HLCS: variants seen among roughly 807,000 people sequenced by gnomAD.
The protein encoded by HLCS is holocarboxylase synthetase, also known as biotin--protein ligase.
A neutral mutation model predicts 75.0 loss-of-function variants in HLCS; 53 were observed. That is an observed-to-expected ratio of 0.71 (90% CI 0.57 to 0.89). HLCS has a LOEUF of 0.89. Among genes scored for constraint, HLCS ranks in the 40% least tolerant of loss-of-function variants. The pLI is 0.00. For missense variants in HLCS, 966 were observed against 1,074.0 expected, an observed-to-expected ratio of 0.90 and a Z score of 1.41; for synonymous variants, 431 against 428.6, an observed-to-expected ratio of 1.01 and a Z score of -0.07.
In HLCS at chr21:36,756,243, C is replaced by A. The variant is rs572665044; in HGVS notation, c.2450+299G>T. On this transcript the variant is annotated intron_variant, in intron 10 of 10. Coordinates refer to ENST00000674895, the MANE Select transcript of HLCS (RefSeq NM_001352514.2). ...CACAAGGTCAGGAGATCGAGACCAT[C>A]CTGGCTAACACGGTGAAACCCCACC... 2.7e-5 allele frequency among the ~76,000 whole-genome samples: 4 copies of A among 149,308 alleles called. No homozygotes were observed. The East Asian group carries it at 5.8e-4, about 22-fold the overall frequency.
rs1321832623 is a variant in HLCS at position 36,949,909 on chromosome 21, T to A, written c.331-10915A>T. 5.3e-5 allele frequency among the ~76,000 whole-genome samples: 8 copies of A among 152,306 alleles called. No homozygotes were observed. In the East Asian group the frequency reaches 1.5e-3, roughly 29 times the overall value. On this transcript the variant is annotated intron_variant, in intron 2 of 10. Transcript: ENST00000674895. ...TACTTCAGCAATCTGATTAACACAA[T>A]GTGCAAAACTGCATTCCTGACAACA...
intron 2 of HLCS, chr21:36,947,709 C>T (rs1324514336): frequency 3.0e-6 from 3 of 985,298 alleles, no homozygotes; most frequent in East Asian, 1.1e-4. Context: ...ATCTTCTCTG[C>T]TCAACTTAAA....
intron 5 of HLCS, among the ~76,000 whole-genome samples, chr21:36,917,712 C>T (rs1569190176): frequency 6.6e-6 from 1 of 152,016 alleles, no homozygotes; most frequent in South Asian, 2.1e-4. Context: ...AACTTGCCTC[C>T]GGGGAGGTGA....
chr21:36,919,824 C>T (rs772315832), intron 5 of HLCS, among the ~76,000 whole-genome samples: 2 of 152,172 alleles, frequency 1.3e-5, no homozygotes, highest in Non-Finnish European at 2.9e-5. Context: ...ATGATTTTAA[C>T]TTGTTCCAAT....
intron 2 of HLCS, among the ~76,000 whole-genome samples, chr21:36,957,468 C>T (rs1011823494): frequency 2.0e-5 from 3 of 151,990 alleles, no homozygotes; most frequent in African/African-American, 7.3e-5. Context: ...CAAGAACTGC[C>T]TAATACAGTT....
intron 6 of HLCS, among the ~76,000 whole-genome samples, chr21:36,811,254 A>G (rs1437395887): frequency 1.3e-5 from 2 of 152,090 alleles, no homozygotes; most frequent in Non-Finnish European, 2.9e-5. Context: ...GCACACTTTC[A>G]CCCTTTCATG....
At chr21:36,934,644 G>A (rs1482258652) in intron 4 of HLCS, among the ~76,000 whole-genome samples, 1 of 152,106 alleles carries the variant, frequency 6.6e-6, no homozygotes, top group African/African-American at 2.4e-5. Context: ...CATCAAATCT[G>A]CAGCTTACTC....
chr21:36,989,763 G>C (rs1462917098), intron 1 of HLCS, among the ~76,000 whole-genome samples: 1 of 152,166 alleles, frequency 6.6e-6, no homozygotes, highest in African/African-American at 2.4e-5. Context: ...AGGCCCTGCG[G>C]CTCTGCCCCT....
intron 6 of HLCS, among the ~76,000 whole-genome samples, chr21:36,817,870 G>A: frequency 6.6e-6 from 1 of 152,200 alleles, no homozygotes; most frequent in East Asian, 1.9e-4. Flanking sequence ...CCTACTGTTT[G>A]ATGTATTCTG....
upstream of HLCS, chr21:36,966,771 C>T (rs1446410328): frequency 7.3e-6 from 1 of 137,594 alleles, no homozygotes; most frequent in Non-Finnish European, 1.2e-5. Context: ...GCGGGGGAGG[C>T]GGGGACCCGG....
chr21:36,966,972 G>T (rs2068635238), upstream of HLCS, among the ~76,000 whole-genome samples: 1 of 151,578 alleles, frequency 6.6e-6, no homozygotes, highest in Admixed American at 6.6e-5. Context: ...GGGCTCGAGG[G>T]AGTGGAGGCC....
At chr21:36,988,352 G>A (rs1569278770) in intron 1 of HLCS, among the ~76,000 whole-genome samples, 1 of 152,052 alleles carries the variant, frequency 6.6e-6, no homozygotes, top group African/African-American at 2.4e-5. Flanking sequence ...TCCTAGTACT[G>A]TATACCCTAG....
In HLCS at chr21:36,950,386, G is replaced by A. The variant is rs146919058; in HGVS notation, c.331-11392C>T. Among the ~76,000 whole-genome samples, 3 of 152,148 alleles carry A rather than the reference G, an allele frequency of 2.0e-5. No homozygotes were observed. The East Asian group carries it at 5.8e-4, about 29-fold the overall frequency. ...CACGCTCAAGACAGACAAAATAAGT[G>A]GAACATACGTGCATTGAACATAGAT... On this transcript the variant is annotated intron_variant, in intron 2 of 10. Coordinates refer to ENST00000674895, the MANE Select transcript of HLCS (RefSeq NM_001352514.2).
intron 2 of HLCS, chr21:36,947,982 C>T (rs2146588402): frequency 9.1e-6 from 9 of 985,328 alleles, no homozygotes; most frequent in Non-Finnish European, 9.6e-6. Flanking sequence ...AGGCTGGAAA[C>T]GCAGAGGTAA....
rs566960121 is a variant in HLCS, at chr21:36,945,159, C to A, written c.331-6165G>T. Among the ~76,000 whole-genome samples, 228 of 152,254 alleles carry A rather than the reference C, an allele frequency of 1.5e-3. 2 individuals are homozygous for A. Among genetic ancestry groups the A allele is most frequent in the African/African-American group, 5.2e-3 (218 of 41,552 alleles). On this transcript the variant is annotated intron_variant, in intron 2 of 10. Transcript: ENST00000674895. The stretch of plus-strand genomic sequence containing the variant: ...GTTGCACTATTCCTCTGCTTAAAAT[C>A]CTTCCATGAATAAGTTCTGAAGATC...
At chr21:36,871,245 T>A (rs771839257) in intron 6 of HLCS, among the ~76,000 whole-genome samples, 1 of 152,146 alleles carries the variant, frequency 6.6e-6, no homozygotes, top group Admixed American at 6.5e-5. Flanking sequence ...CCACTGGGAT[T>A]TCAGAAAACG....
At chr21:36,927,171 C>T (rs1295463897) in intron 5 of HLCS, among the ~76,000 whole-genome samples, 3 of 152,192 alleles carry the variant, frequency 2.0e-5, no homozygotes, top group African/African-American at 4.8e-5. Flanking sequence ...TTCAATTAAA[C>T]GTGAAAGCCT....
At chr21:36,817,273 G>A (rs188585942) in intron 6 of HLCS, among the ~76,000 whole-genome samples, 17 of 152,116 alleles carry the variant, frequency 1.1e-4, no homozygotes, top group African/African-American at 3.4e-4. Flanking sequence ...AACCATTTAC[G>A]TCTTTGCTCA....
intron 6 of HLCS, among the ~76,000 whole-genome samples, chr21:36,800,389 G>A (rs1406186241): frequency 6.6e-6 from 1 of 152,192 alleles, no homozygotes. Flanking sequence ...TGAGAAAACA[G>A]AGACTCTGTG....
Sources: allele counts gnomAD v4.1 joint callset (sites outside exome capture counted in the v4.1 genomes callset), GRCh38; gene constraint gnomAD v4.1.1; transcripts MANE v1.5; gene names NCBI Gene and HGNC (gene_info 2026-07-23, HGNC 2026-07-21).